The following EPHA5 variants were observed in gnomAD, a reference collection of about 807,000 sequenced individuals.
EPHA5 encodes ephrin type-A receptor 5.
EPHA5 carries 60 observed loss-of-function variants against 105.0 expected under a neutral mutation model. The observed-to-expected ratio is 0.57, with a 90% CI of 0.46 to 0.71. EPHA5 has a LOEUF of 0.71. EPHA5 is among the 30% of genes least tolerant of loss of function. The probability of loss-of-function intolerance (pLI) is 0.00; values close to 1 mark genes in which losing one functional copy is unlikely to be tolerated. For missense variants in EPHA5, 1,218 were observed against 1,274.7 expected (o/e 0.96, Z 0.68); for synonymous variants, 513 against 449.1 (o/e 1.14, Z -1.80).
intron 3 of EPHA5, among the ~76,000 whole-genome samples, chr4:65,500,498 T>G (rs1015132975): frequency 6.6e-6 from 1 of 151,086 alleles, no homozygotes; most frequent in African/African-American, 2.4e-5. Context: ...TATTTAGAAA[T>G]TTGCTGTATA....
intron 3 of EPHA5, among the ~76,000 whole-genome samples, chr4:65,526,742 T>C (rs1735269094): frequency 6.6e-6 from 1 of 151,954 alleles, no homozygotes; most frequent in Admixed American, 6.6e-5. Context: ...GTGTAGATTA[T>C]ATCACTCATA....
chr4:65,518,927 C>T (rs919703649), intron 3 of EPHA5, among the ~76,000 whole-genome samples: 5 of 152,036 alleles, frequency 3.3e-5, no homozygotes, highest in Admixed American at 2.0e-4. Context: ...ACTATTCCAA[C>T]CAATAGAAAA....
intron 15 of EPHA5, among the ~76,000 whole-genome samples, chr4:65,332,341 G>A (rs7678888): frequency 0.58 from 87,874 of 151,504 alleles, 27,279 homozygotes; most frequent in South Asian, 0.71. Flanking sequence ...TAATTAATGA[G>A]GACTTAACAT....
intron 3 of EPHA5, among the ~76,000 whole-genome samples, chr4:65,501,778 G>A (rs1310532012): frequency 1.3e-5 from 2 of 150,388 alleles, no homozygotes; most frequent in African/African-American, 4.8e-5. Context: ...GAAACAAAAT[G>A]CGCCCAAATA....
At chr4:65,533,760 C>A (rs1255152706) in intron 3 of EPHA5, among the ~76,000 whole-genome samples, 1 of 151,778 alleles carries the variant, frequency 6.6e-6, no homozygotes, top group African/African-American at 2.4e-5. Flanking sequence ...ATGGTAAAAC[C>A]CCATCTCTAC....
chr4:65,442,467 A>G (rs1726112373), intron 5 of EPHA5, among the ~76,000 whole-genome samples: 1 of 152,118 alleles, frequency 6.6e-6, no homozygotes, highest in East Asian at 1.9e-4. Flanking sequence ...TGTTTATGTC[A>G]ACCAGTCTAT....
intron 2 of EPHA5, among the ~76,000 whole-genome samples, chr4:65,612,127 G>A (rs1018330238): frequency 6.6e-6 from 1 of 151,004 alleles, no homozygotes; most frequent in South Asian, 2.1e-4. Flanking sequence ...CATTTCCATA[G>A]AGAATGGCTT....
At chr4:65,511,718 T>A (rs1360672859) in intron 3 of EPHA5, among the ~76,000 whole-genome samples, 2 of 152,196 alleles carry the variant, frequency 1.3e-5, no homozygotes, top group African/African-American at 4.8e-5. Context: ...TTAAACGACA[T>A]TTTTTAGGCA....
At chr4:65,666,350 A>G (rs1003401003) in intron 1 of EPHA5, among the ~76,000 whole-genome samples, 1 of 152,178 alleles carries the variant, frequency 6.6e-6, no homozygotes, top group African/African-American at 2.4e-5. Flanking sequence ...ATCATTTTCA[A>G]TGCAGGGCTG....
At position 65,574,600 on chromosome 4, in the gene EPHA5, G is replaced by GTATATATATACA. The variant is rs1560717157; in HGVS notation, c.910+27040_910+27041insTGTATATATATA. Among the ~76,000 whole-genome samples, 5 of 80,182 alleles carry GTATATATATACA rather than the reference G, an allele frequency of 6.2e-5. 1 individual carries two copies. Among genetic ancestry groups the GTATATATATACA allele is most frequent in the Admixed American group, 2.2e-4 (2 of 9,180 alleles). 52.6% of individuals were successfully genotyped at this position (80,182 alleles called of 152,430 possible). On this transcript the variant is annotated intron_variant, in intron 3 of 16. Coordinates refer to ENST00000613740, the MANE Select transcript of EPHA5 (RefSeq NM_001281766.3). ...AATATGTCTCTCTCTATATATTGCTGTATATATATATACATATATATATAT... is the reference window on the plus strand; with the variant it reads ...AATATGTCTCTCTCTATATATTGCTGTATATATATACATATATATATATACATATATATATAT...
chr4:65,601,842 C>T lies in EPHA5; in HGVS notation c.709G>A (p.Val237Ile), dbSNP rs1743763349. The change falls in exon 3 of 17, where the codon GTA (valine) becomes ATA (isoleucine). Residue 237 changes from valine (V) to isoleucine (I), a missense_variant. Val to Ile is a conservative substitution (Grantham distance 29). Coordinates refer to ENST00000613740, the MANE Select transcript of EPHA5 (RefSeq NM_001281766.3). Reference protein sequence around the residue: ...RVYYKKCPSVVRHLAVFPDTI... With the variant: ...RVYYKKCPSVIRHLAVFPDTI... ...TCAGGGAAGACAGCCAAGTGTCGTACCACAGAAGGGCATTTTTTATAGTAT... is the reference window on the plus strand; with the variant it reads ...TCAGGGAAGACAGCCAAGTGTCGTATCACAGAAGGGCATTTTTTATAGTAT... The T allele has an allele frequency of 6.2e-7, 1 of 1,614,006 alleles. No individual in the cohort carries two copies. Among genetic ancestry groups the T allele is most frequent in the African/African-American group, 1.3e-5 (1 of 74,906 alleles).
At chr4:65,633,588 G>T (rs943034467) in intron 2 of EPHA5, among the ~76,000 whole-genome samples, 1 of 151,734 alleles carries the variant, frequency 6.6e-6, no homozygotes, top group African/African-American at 2.4e-5. Context: ...AATAACTTTA[G>T]GCCTGGGTTT....
intron 2 of EPHA5, among the ~76,000 whole-genome samples, chr4:65,612,118 A>G (rs1744836766): frequency 6.6e-6 from 1 of 151,784 alleles, no homozygotes; most frequent in Non-Finnish European, 1.5e-5. Context: ...AGCAGCTGGC[A>G]TTTCCATAGA....
chr4:65,550,425 C>A (rs759263383), intron 3 of EPHA5, among the ~76,000 whole-genome samples: 15 of 152,146 alleles, frequency 9.9e-5, no homozygotes, highest in African/African-American at 3.6e-4. Context: ...AGTTTGGACG[C>A]CCTTAATAGA....
intron 8 of EPHA5, among the ~76,000 whole-genome samples, chr4:65,402,604 T>C (rs1317894122): frequency 1.3e-5 from 2 of 152,144 alleles, no homozygotes; most frequent in Non-Finnish European, 2.9e-5. Context: ...TTTTTATTCA[T>C]TTCTCCTAAG....
chr4:65,434,956 T>C (rs1259129779), intron 5 of EPHA5, among the ~76,000 whole-genome samples: 1 of 152,152 alleles, frequency 6.6e-6, no homozygotes, highest in Non-Finnish European at 1.5e-5. Context: ...GATATAGTGA[T>C]TAAAATCAAG....
At chr4:65,622,263 A>C (rs538998675) in intron 2 of EPHA5, among the ~76,000 whole-genome samples, 1 of 152,064 alleles carries the variant, frequency 6.6e-6, no homozygotes, top group Non-Finnish European at 1.5e-5. Context: ...AAATCTTCCA[A>C]CTAGTGTCTG....
intron 7 of EPHA5, among the ~76,000 whole-genome samples, chr4:65,411,738 C>A (rs1320184446): frequency 6.6e-6 from 1 of 151,970 alleles, no homozygotes; most frequent in African/African-American, 2.4e-5. Flanking sequence ...GAAAATACTA[C>A]AAAAATACAA....
intron 8 of EPHA5, among the ~76,000 whole-genome samples, chr4:65,390,429 G>A (rs1398360531): frequency 6.6e-6 from 1 of 151,956 alleles, no homozygotes; most frequent in African/African-American, 2.4e-5. Context: ...TCTTCCTCCT[G>A]ACCAAAATCT....
Sources: allele counts gnomAD v4.1 joint callset (sites outside exome capture counted in the v4.1 genomes callset), GRCh38; gene constraint gnomAD v4.1.1; transcripts MANE v1.5; gene names NCBI Gene and HGNC (gene_info 2026-07-23, HGNC 2026-07-21).